Variants in ASH1L observed in about 807,000 individuals in gnomAD.
ASH1L encodes the protein histone-lysine N-methyltransferase ASH1L.
In ASH1L, 23 loss-of-function variants were observed where a neutral mutation model predicts 269.0. The observed-to-expected ratio is 0.09, with a 90% CI of 0.06 to 0.12. The LOEUF (loss-of-function observed/expected upper bound fraction) is 0.12, where lower values mean the gene tolerates loss of function less well. Among genes scored for constraint, ASH1L ranks in the 10% least tolerant of loss-of-function variants. The pLI, the probability that ASH1L is intolerant of heterozygous loss-of-function variation, is 1.00. For missense variants in ASH1L, 2,912 were observed against 3,567.8 expected (o/e 0.82, Z 4.68); for synonymous variants, 1,187 against 1,253.5 (o/e 0.95, Z 1.12).
At chr1:155,520,784 C>T (rs545641858) in intron 2 of ASH1L, among the ~76,000 whole-genome samples, 86 of 152,130 alleles carry the variant, frequency 5.7e-4, no homozygotes, top group Non-Finnish European at 1.1e-3. Context: ...ACTGCTTGAA[C>T]CCAGAAGGCA....
At chr1:155,448,617 C>G (rs1663213847) in intron 4 of ASH1L, among the ~76,000 whole-genome samples, 2 of 152,092 alleles carry the variant, frequency 1.3e-5, no homozygotes, top group South Asian at 4.1e-4. Flanking sequence ...GCCTCAGACT[C>G]CTAAGTAGCT....
At chr1:155,533,893 T>C (rs537480576) in intron 1 of ASH1L, among the ~76,000 whole-genome samples, 36 of 152,124 alleles carry the variant, frequency 2.4e-4, no homozygotes, top group Non-Finnish European at 4.6e-4. Context: ...TCATTCTTAA[T>C]CTATTCCTTC....
At chr1:155,513,548 G>T (rs1233844244) in intron 2 of ASH1L, among the ~76,000 whole-genome samples, 1 of 149,542 alleles carries the variant, frequency 6.7e-6, no homozygotes, top group Non-Finnish European at 1.5e-5. Context: ...TCCAGCCAGG[G>T]CAACAGGAGT....
chr1:155,424,452 C>T (rs540983508), intron 5 of ASH1L, among the ~76,000 whole-genome samples: 1 of 151,778 alleles, frequency 6.6e-6, no homozygotes, highest in South Asian at 2.1e-4. Context: ...TTGTTGTCCA[C>T]GCTGGAGTGA....
chr1:155,541,015 C>T (rs570726009), intron 1 of ASH1L, among the ~76,000 whole-genome samples: 3 of 151,882 alleles, frequency 2.0e-5, no homozygotes, highest in African/African-American at 4.8e-5. Context: ...GAGGCTGAGG[C>T]GGGAGGATGG....
At chr1:155,494,306 A>G (rs1187255329) in intron 2 of ASH1L, among the ~76,000 whole-genome samples, 1 of 152,234 alleles carries the variant, frequency 6.6e-6, no homozygotes, top group East Asian at 1.9e-4. Flanking sequence ...TACTAGAGTA[A>G]GCAAGAGAAG....
At chr1:155,359,463 G>T (rs1216698723) in intron 13 of ASH1L, among the ~76,000 whole-genome samples, 1 of 152,100 alleles carries the variant, frequency 6.6e-6, no homozygotes, top group Non-Finnish European at 1.5e-5. Context: ...TTTTAGTAGA[G>T]AGAGGGTTTC....
chr1:155,386,183 T>C (rs1657413780), intron 7 of ASH1L, among the ~76,000 whole-genome samples: 1 of 151,662 alleles, frequency 6.6e-6, no homozygotes. Context: ...TTCTCCCGCC[T>C]CAGCCTCCCA....
rs528647344 is a variant in ASH1L at position 155,463,410 on chromosome 1, T to C, written c.4985-3512A>G. On this transcript the variant is annotated intron_variant, in intron 3 of 27. Coordinates refer to ENST00000392403, the MANE Select transcript of ASH1L (RefSeq NM_018489.3). ...TGTTGTGAGTCCCAAAACGAGATAA[T>C]GTAATCCAAAAACAATTTTATAAAA... is the stretch of plus-strand genomic sequence containing the variant. Among the ~76,000 whole-genome samples, 50 of 152,270 alleles carry C rather than the reference T, an allele frequency of 3.3e-4. No homozygotes were observed. In the Middle Eastern group the frequency reaches 0.02, roughly 62 times the overall value.
At chr1:155,482,576 A>ACC in intron 2 of ASH1L, 127 bp from the exon 3 acceptor site, 1 of 943,762 alleles carries the variant, frequency 1.1e-6, no homozygotes, top group Non-Finnish European at 1.6e-6. Context: ...GTTTTTAAAA[A>ACC]ACCTAATATT....
chr1:155,369,171 C>T (rs552582758), intron 12 of ASH1L, among the ~76,000 whole-genome samples: 1 of 152,172 alleles, frequency 6.6e-6, no homozygotes, highest in Non-Finnish European at 1.5e-5. Context: ...TAGACGGGCG[C>T]GGTGGCTCAC....
At chr1:155,352,243 G>A (rs754644930) in intron 17 of ASH1L, among the ~76,000 whole-genome samples, 3 of 143,162 alleles carry the variant, frequency 2.1e-5, no homozygotes, top group Non-Finnish European at 3.0e-5. Flanking sequence ...CAGAAGGATC[G>A]CTTGAGGCCA....
At chr1:155,385,660 T>C (rs1262829823) in intron 7 of ASH1L, among the ~76,000 whole-genome samples, 22 of 152,148 alleles carry the variant, frequency 1.4e-4, no homozygotes, top group Admixed American at 1.3e-4. Context: ...GCAAATAACA[T>C]ATGATTTTAA....
chr1:155,343,100 C>T lies in ASH1L; in HGVS notation c.8293+214G>A, dbSNP rs937246146. The T allele has an allele frequency of 3.7e-5, 18 of 490,074 alleles. 2 individuals carry two copies. The South Asian group carries it at 5.2e-4, about 14-fold the overall frequency. The allele number at this position is 490,074 out of a possible 1,614,324, so 30.4% of individuals were successfully genotyped here. A position where few individuals can be genotyped will look rare whatever the true frequency, so the allele number is the denominator to read the frequency against. On this transcript the variant is annotated intron_variant, in intron 24 of 27. Transcript: ENST00000392403. The surrounding 1 kb of genome is among the most constrained non-coding windows in gnomAD (Gnocchi z 6.1). ...GATCTTGGCTCACTGCAACCTCTGC[C>T]TCCCAGGCTCAGCAATCCTCCCAGT...
chr1:155,529,080 T>A (rs981207928), intron 1 of ASH1L, among the ~76,000 whole-genome samples: 1 of 152,192 alleles, frequency 6.6e-6, no homozygotes, highest in African/African-American at 2.4e-5. Flanking sequence ...ATGTACTACA[T>A]TTTCTTTATC....
intron 12 of ASH1L, among the ~76,000 whole-genome samples, chr1:155,361,394 G>A (rs1654925407): frequency 6.6e-6 from 1 of 151,784 alleles, no homozygotes; most frequent in Admixed American, 6.6e-5. Flanking sequence ...GTGTGCACCT[G>A]TAATCCCAGC....
At chr1:155,410,957 A>G (rs985504601) in intron 6 of ASH1L, among the ~76,000 whole-genome samples, 3 of 152,216 alleles carry the variant, frequency 2.0e-5, no homozygotes, top group Non-Finnish European at 2.9e-5. Context: ...ACATGTCAGT[A>G]TACATTTGTC....
chr1:155,551,254 T>C (rs1346336657), intron 1 of ASH1L, among the ~76,000 whole-genome samples: 5 of 151,114 alleles, frequency 3.3e-5, no homozygotes, highest in African/African-American at 5.0e-5. Context: ...GGATGAAACA[T>C]AGGCACACAG....
chr1:155,433,233 G>A (rs1263108947), intron 5 of ASH1L: 2 of 1,550,550 alleles, frequency 1.3e-6, no homozygotes, highest in Admixed American at 2.0e-5. Flanking sequence ...CCAGGCGGTG[G>A]AGGTGATGGG....
Sources: gnomAD v4.1 joint callset for allele counts (sites outside exome capture counted in the v4.1 genomes callset) on GRCh38, gnomAD v4.1.1 for gene constraint, Gnocchi (gnomAD v3.1) non-coding constraint, MANE v1.5 for transcripts, NCBI Gene and HGNC (gene_info 2026-07-23, HGNC 2026-07-21) for gene names.